Variants in ATP8A2 observed in about 807,000 individuals in gnomAD.
The protein encoded by ATP8A2 is ATPase phospholipid transporting 8A2.
A neutral mutation model predicts 165.6 loss-of-function variants in ATP8A2; 100 were observed. The observed-to-expected ratio is 0.60, with a 90% CI of 0.51 to 0.71. The LOEUF is 0.71. ATP8A2 is among the 30% of genes least tolerant of loss of function. ATP8A2 has a pLI of 0.00. For synonymous variants in ATP8A2, 543 were observed against 548.8 expected (o/e 0.99, Z 0.15); for missense variants, 1,227 against 1,479.5 (o/e 0.83, Z 2.80).
chr13:25,461,829 GGAA>G (rs202040120), intron 1 of ATP8A2, among the ~76,000 whole-genome samples: 7 of 140,866 alleles, frequency 5.0e-5, no homozygotes, highest in African/African-American at 1.8e-4. Flanking sequence ...AGATGTGTGA[GGAA>G]GAAGAAGAAG....
chr13:25,901,288 G>C (rs560988229), intron 33 of ATP8A2, among the ~76,000 whole-genome samples: 1 of 152,208 alleles, frequency 6.6e-6, no homozygotes, highest in South Asian at 2.1e-4. Flanking sequence ...CAGAAAGGTG[G>C]TTTGAAGAGG....
At chr13:25,996,018 T>C (rs1229691710) in intron 35 of ATP8A2, among the ~76,000 whole-genome samples, 1 of 152,196 alleles carries the variant, frequency 6.6e-6, no homozygotes, top group Non-Finnish European at 1.5e-5. Context: ...CTTTTGTCAT[T>C]GCATAATGTC....
chr13:25,987,711 C>A (rs1282580362), intron 35 of ATP8A2, among the ~76,000 whole-genome samples: 1 of 152,190 alleles, frequency 6.6e-6, no homozygotes, highest in East Asian at 1.9e-4. Flanking sequence ...AGGTGATAGG[C>A]CTGGTTCTTG....
Position 25,529,984 on chromosome 13 carries a change from T to G in ATP8A2, c.222-15T>G, listed in dbSNP as rs1471965671. 6.7e-7 allele frequency: 1 copy of G among 1,493,128 alleles called. No homozygotes were observed. Among genetic ancestry groups the G allele is most frequent in the Non-Finnish European group, 9.3e-7 (1 of 1,073,778 alleles). 92.5% of individuals were successfully genotyped at this position (1,493,128 alleles called of 1,614,324 possible). On this transcript the variant is annotated splice_polypyrimidine_tract_variant and intron_variant, in intron 2 of 36. Coordinates refer to ENST00000381655, the MANE Select transcript of ATP8A2 (RefSeq NM_016529.6). ...CATCTATAACTGATAGTATTATTTT[T>G]CTTTGCACTTACAGTACGGCCAAGT...
rs1954593295 is a variant in ATP8A2 at position 25,925,923 on chromosome 13, T to C, written c.3184-35652T>C. Among the ~76,000 whole-genome samples the C allele has an allele frequency of 1.3e-5, 2 of 151,888 alleles. 1 individual carries two copies. The highest frequency in any genetic ancestry group is 4.2e-4 in the South Asian group (2 of 4,810). On this transcript the variant is annotated intron_variant, in intron 33 of 36. Coordinates refer to ENST00000381655, the MANE Select transcript of ATP8A2 (RefSeq NM_016529.6). ...GTATTTTTAGTAGAGACGAGGTTTC[T>C]CCATATTGGCCAGGCTGGTCTTAAA...
intron 1 of ATP8A2, among the ~76,000 whole-genome samples, chr13:25,380,797 A>G (rs1370125611): frequency 2.6e-5 from 4 of 152,202 alleles, no homozygotes; most frequent in African/African-American, 4.8e-5. Flanking sequence ...AACCAAGGTC[A>G]TGAAAGGTGA....
At chr13:25,428,829 A>G (rs1181027409) in intron 1 of ATP8A2, among the ~76,000 whole-genome samples, 2 of 152,152 alleles carry the variant, frequency 1.3e-5, no homozygotes, top group African/African-American at 4.8e-5. Context: ...CTGGAGAAAA[A>G]GGGAGAGAAG....
At chr13:25,901,604 T>C (rs1953749062) in intron 33 of ATP8A2, among the ~76,000 whole-genome samples, 1 of 152,192 alleles carries the variant, frequency 6.6e-6, no homozygotes, top group South Asian at 2.1e-4. Flanking sequence ...ATTATTTTTA[T>C]ACACAAATCT....
chr13:25,768,076 T>TGGGGGGGGGGGGG (rs397942177), intron 25 of ATP8A2, among the ~76,000 whole-genome samples: 2 of 49,272 alleles, frequency 4.1e-5, no homozygotes, highest in African/African-American at 5.6e-5. Context: ...TGTGGTGGCG[T>TGGGGGGGGGGGGG]GGGGGGGGGG....
chr13:25,946,745 T>TTTTG (rs10693450), intron 33 of ATP8A2, among the ~76,000 whole-genome samples: 106,862 of 151,352 alleles, frequency 0.71, 37,892 homozygotes, highest in East Asian at 0.79. Context: ...GTTATTGGTT[T>TTTTG]TTTGTTTGTT....
chr13:25,888,877 G>A (rs996788388), intron 33 of ATP8A2, among the ~76,000 whole-genome samples: 1 of 152,078 alleles, frequency 6.6e-6, no homozygotes, highest in Non-Finnish European at 1.5e-5. Flanking sequence ...TAAAACTGTA[G>A]AGTTCATGGG....
At chr13:25,786,793 G>A (rs1459890386) in intron 27 of ATP8A2, among the ~76,000 whole-genome samples, 1 of 143,302 alleles carries the variant, frequency 7.0e-6, no homozygotes, top group Non-Finnish European at 1.5e-5. Context: ...TTTCACTCTG[G>A]TTGCCCAGGC....
intron 4 of ATP8A2, among the ~76,000 whole-genome samples, chr13:25,531,494 T>C (rs1307573241): frequency 6.7e-6 from 1 of 148,630 alleles, no homozygotes; most frequent in Admixed American, 6.9e-5. Context: ...GCATGTGCTG[T>C]CTCTCTGTCT....
At chr13:25,836,859 CTG>C (rs1288253346) in intron 28 of ATP8A2, among the ~76,000 whole-genome samples, 1 of 152,248 alleles carries the variant, frequency 6.6e-6, no homozygotes, top group African/African-American at 2.4e-5. Context: ...AGACAGCTAA[CTG>C]TGGCATGATT....
intron 1 of ATP8A2, 49 bp from the exon 2 acceptor site, chr13:25,468,928 C>G (rs2035755462): frequency 6.3e-7 from 1 of 1,586,528 alleles, no homozygotes; most frequent in Non-Finnish European, 8.6e-7. Flanking sequence ...TCCCGCCTGG[C>G]GGTTGACTTC....
At chr13:25,999,641 C>T (rs1180576491) in intron 35 of ATP8A2, among the ~76,000 whole-genome samples, 2 of 152,120 alleles carry the variant, frequency 1.3e-5, no homozygotes, top group Non-Finnish European at 2.9e-5. Context: ...GGCGAGGTCA[C>T]CTTAAAGACT....
At position 25,814,451 on chromosome 13, in the gene ATP8A2, T is replaced by C. The variant is rs77975318; in HGVS notation, c.2680-13667T>C. ...AGCCAGAACAATCTGTTTGGAGGAC[T>C]CAACATTTCCTGATTTCAGAACTTA... On this transcript the variant is annotated intron_variant, in intron 27 of 36. Coordinates refer to ENST00000381655, the MANE Select transcript of ATP8A2 (RefSeq NM_016529.6). 3.0e-3 allele frequency among the ~76,000 whole-genome samples: 459 copies of C among 152,118 alleles called. 5 individuals carry two copies. The highest frequency in any genetic ancestry group is 0.01 in the African/African-American group (429 of 41,516).
intron 23 of ATP8A2, among the ~76,000 whole-genome samples, chr13:25,589,237 C>T (rs1424606445): frequency 2.0e-5 from 3 of 152,156 alleles, no homozygotes; most frequent in Admixed American, 2.0e-4. Flanking sequence ...GAATCAGCTG[C>T]TGTCTTAAAG....
intron 25 of ATP8A2, among the ~76,000 whole-genome samples, chr13:25,726,418 C>T (rs1401457199): frequency 6.6e-6 from 1 of 152,228 alleles, no homozygotes; most frequent in Non-Finnish European, 1.5e-5. Context: ...GTAAGTTATT[C>T]TCTTAGGTTC....
Sources: gnomAD v4.1 joint callset for allele counts (sites outside exome capture counted in the v4.1 genomes callset) on GRCh38, gnomAD v4.1.1 for gene constraint, MANE v1.5 for transcripts, NCBI Gene and HGNC (gene_info 2026-07-23, HGNC 2026-07-21) for gene names.